The following CEP112 variants were observed in gnomAD, a reference collection of about 807,000 sequenced individuals.
CEP112 encodes the protein centrosomal protein of 112 kDa.
A neutral mutation model predicts 153.0 loss-of-function variants in CEP112; 127 were observed. The observed-to-expected ratio is 0.83, with a 90% CI of 0.72 to 0.96. The LOEUF (loss-of-function observed/expected upper bound fraction) is 0.96, where lower values mean the gene tolerates loss of function less well. CEP112 is among the 40% of genes least tolerant of loss of function. CEP112 has a pLI of 0.00. For missense variants in CEP112, 1,089 were observed against 1,101.2 expected, an observed-to-expected ratio of 0.99 and a Z score of 0.16; for synonymous variants, 358 against 374.4, an observed-to-expected ratio of 0.96 and a Z score of 0.51.
At chr17:66,042,123 C>A (rs919515593) in intron 12 of CEP112, among the ~76,000 whole-genome samples, 1 of 152,120 alleles carries the variant, frequency 6.6e-6, no homozygotes, top group Admixed American at 6.5e-5. Flanking sequence ...CTGAGGAAGG[C>A]AGATCACCTG....
chr17:66,173,509 G>T (rs919602991), intron 4 of CEP112, among the ~76,000 whole-genome samples: 1 of 152,142 alleles, frequency 6.6e-6, no homozygotes, highest in Admixed American at 6.5e-5. Flanking sequence ...TAAGATACAG[G>T]AAACTACTTT....
At chr17:65,895,308 G>C (rs1176418084) in intron 20 of CEP112, among the ~76,000 whole-genome samples, 1 of 151,786 alleles carries the variant, frequency 6.6e-6, no homozygotes, top group Non-Finnish European at 1.5e-5. Context: ...CAGAGAGCTT[G>C]GCACATGGAA....
chr17:65,920,295 G>A (rs957816932), intron 19 of CEP112, among the ~76,000 whole-genome samples: 3 of 143,550 alleles, frequency 2.1e-5, no homozygotes, highest in Non-Finnish European at 3.0e-5. Context: ...GCAGTGAGCC[G>A]AGATTGCACC....
At chr17:66,068,590 C>A (rs2067203672) in intron 9 of CEP112, among the ~76,000 whole-genome samples, 1 of 152,178 alleles carries the variant, frequency 6.6e-6, no homozygotes, top group Non-Finnish European at 1.5e-5. Flanking sequence ...ATATACTTTT[C>A]AAATCTAGCA....
chr17:66,063,498 CA>C (rs2067000644), intron 10 of CEP112, among the ~76,000 whole-genome samples: 1 of 151,702 alleles, frequency 6.6e-6, no homozygotes, highest in African/African-American at 2.4e-5. Context: ...GATTGAGAAG[CA>C]GGGGGTGGAA....
chr17:66,091,551 AAAG>A (rs1465609768), intron 8 of CEP112, among the ~76,000 whole-genome samples: 10 of 152,208 alleles, frequency 6.6e-5, no homozygotes, highest in Non-Finnish European at 1.2e-4. Flanking sequence ...CAGTTCTAAG[AAAG>A]AAGTGAATAG....
intron 22 of CEP112, among the ~76,000 whole-genome samples, chr17:65,748,666 G>C (rs752781001): frequency 2.2e-4 from 33 of 152,132 alleles, no homozygotes; most frequent in Non-Finnish European, 3.5e-4. Flanking sequence ...GGTTAGTACT[G>C]CTCCTCCATT....
intron 18 of CEP112, among the ~76,000 whole-genome samples, chr17:65,944,055 GC>G (rs1181564379): frequency 6.6e-6 from 1 of 152,166 alleles, no homozygotes; most frequent in African/African-American, 2.4e-5. Flanking sequence ...TCATGTCTTT[GC>G]AGGGACATGG....
chr17:65,699,288 A>G (rs2048505409), intron 23 of CEP112, among the ~76,000 whole-genome samples: 4 of 152,344 alleles, frequency 2.6e-5, no homozygotes, highest in Admixed American at 1.3e-4. Flanking sequence ...AACATTAACC[A>G]ACTCTATAAA....
rs575674887 is a variant in CEP112, at chr17:65,941,151, G to A, written c.1873-13462C>T. 1.8e-3 allele frequency among the ~76,000 whole-genome samples: 280 copies of A among 152,220 alleles called. 1 individual carries two copies. Among genetic ancestry groups the A allele is most frequent in the African/African-American group, 6.3e-3 (260 of 41,548 alleles). On this transcript the variant is annotated intron_variant, in intron 18 of 26. Transcript: ENST00000535342. ...AAGGTAAATCAAGGATGGTAGGCCT[G>A]ATATATTCAGCATTTTTAAGACAAA...
intron 21 of CEP112, among the ~76,000 whole-genome samples, chr17:65,806,041 T>A (rs2055578207): frequency 6.6e-6 from 1 of 152,248 alleles, no homozygotes; most frequent in Non-Finnish European, 1.5e-5. Context: ...TAAGTATCTG[T>A]GTCAATACTA....
At chr17:65,961,649 T>G (rs2062208045) in intron 17 of CEP112, 51 bp from the exon 18 acceptor site, 1 of 1,498,814 alleles carries the variant, frequency 6.7e-7, no homozygotes. Context: ...GAGCTAGGCC[T>G]GAATGAAAGA....
chr17:66,071,879 G>T (rs1003924038), intron 8 of CEP112, among the ~76,000 whole-genome samples: 2 of 152,134 alleles, frequency 1.3e-5, no homozygotes, highest in African/African-American at 4.8e-5. Flanking sequence ...TGACACTAGG[G>T]TTAGTTGAAC....
At chr17:65,860,198 A>G (rs987792603) in intron 20 of CEP112, among the ~76,000 whole-genome samples, 2 of 151,214 alleles carry the variant, frequency 1.3e-5, no homozygotes, top group Non-Finnish European at 3.0e-5. Context: ...AAACATTTAC[A>G]GCTATGACAA....
intron 24 of CEP112, among the ~76,000 whole-genome samples, chr17:65,653,595 G>C (rs1229134801): frequency 6.6e-6 from 1 of 152,158 alleles, no homozygotes; most frequent in Non-Finnish European, 1.5e-5. Context: ...GCTTCTGAAG[G>C]GTGGCGAAGG....
intron 20 of CEP112, among the ~76,000 whole-genome samples, chr17:65,897,863 T>C (rs1399494457): frequency 2.0e-5 from 3 of 151,958 alleles, no homozygotes; most frequent in African/African-American, 7.3e-5. Context: ...GTCAATGTCC[T>C]TTATATTAAG....
intron 4 of CEP112, among the ~76,000 whole-genome samples, chr17:66,147,128 A>G (rs1437788329): frequency 6.6e-6 from 1 of 151,958 alleles, no homozygotes; most frequent in East Asian, 2.0e-4. Flanking sequence ...CATTCTTACC[A>G]ACAGTGCACA....
chr17:65,876,607 C>T (rs940475460), intron 20 of CEP112, among the ~76,000 whole-genome samples: 3 of 152,148 alleles, frequency 2.0e-5, no homozygotes, highest in Non-Finnish European at 4.4e-5. Context: ...CTATACCCTT[C>T]GGCCCTGTAA....
chr17:66,170,664 G>A (rs2072206861), intron 4 of CEP112, among the ~76,000 whole-genome samples: 1 of 152,116 alleles, frequency 6.6e-6, no homozygotes, highest in Non-Finnish European at 1.5e-5. Flanking sequence ...TCTGGAGGCT[G>A]AGGCAGAAGA....
Sources: allele counts gnomAD v4.1 joint callset (sites outside exome capture counted in the v4.1 genomes callset), GRCh38; gene constraint gnomAD v4.1.1; transcripts MANE v1.5; gene names NCBI Gene and HGNC (gene_info 2026-07-23, HGNC 2026-07-21).